TSHR: variants seen among roughly 807,000 people sequenced by gnomAD.
TSHR encodes thyroid stimulating hormone receptor.
In TSHR, 51 loss-of-function variants were observed where a neutral mutation model predicts 64.1. The observed-to-expected ratio is 0.80, with a 90% CI of 0.64 to 1.01. TSHR has a LOEUF of 1.01. Among genes scored for constraint, TSHR ranks in the 50% least tolerant of loss-of-function variants. TSHR has a pLI of 0.00. For missense variants in TSHR, 877 were observed against 942.8 expected, an observed-to-expected ratio of 0.93 and a Z score of 0.91; for synonymous variants, 361 against 361.9, an observed-to-expected ratio of 1.00 and a Z score of 0.03.
chr14:81,012,551 C>T (rs1889972248), intron 1 of TSHR: 1 of 151,440 alleles, frequency 6.6e-6, no homozygotes, highest in African/African-American at 2.4e-5. Flanking sequence ...GTTTACAGTC[C>T]CACCAACAGT....
chr14:81,023,681 A>T (rs184279393), intron 1 of TSHR, among the ~76,000 whole-genome samples: 41 of 152,292 alleles, frequency 2.7e-4, no homozygotes, highest in African/African-American at 9.1e-4. Context: ...CCAGAAAAAG[A>T]GTTCTCATTG....
At chr14:81,026,045 A>G (rs906209805) in intron 1 of TSHR, among the ~76,000 whole-genome samples, 3 of 152,170 alleles carry the variant, frequency 2.0e-5, no homozygotes, top group Admixed American at 2.0e-4. Context: ...AACCCCTCCA[A>G]TGCAGGGGAT....
At chr14:80,978,094 AACACACACAC>A (rs60697218) in intron 1 of TSHR, among the ~76,000 whole-genome samples, 30 of 146,440 alleles carry the variant, frequency 2.0e-4, no homozygotes, top group Admixed American at 5.4e-4. Flanking sequence ...ACATCCCTCC[AACACACACAC>A]ACACACACAC....
chr14:81,045,717 G>A (rs1173927698), intron 1 of TSHR, among the ~76,000 whole-genome samples: 2 of 152,096 alleles, frequency 1.3e-5, no homozygotes, highest in African/African-American at 2.4e-5. Flanking sequence ...GAAACCCACA[G>A]GGTAATTACA....
chr14:80,974,222 G>C (rs1177324544), intron 1 of TSHR, among the ~76,000 whole-genome samples: 2 of 152,152 alleles, frequency 1.3e-5, no homozygotes, highest in African/African-American at 2.4e-5. Flanking sequence ...TCCATGCAGG[G>C]ACCATCCAGC....
intron 1 of TSHR, among the ~76,000 whole-genome samples, chr14:80,960,360 C>T (rs1886952947): frequency 6.6e-6 from 1 of 152,190 alleles, no homozygotes; most frequent in Admixed American, 6.5e-5. Context: ...AAGAGAAGCC[C>T]CCTGCTTCAA....
At chr14:81,078,372 G>A (rs997679941) in intron 3 of TSHR, among the ~76,000 whole-genome samples, 1 of 152,092 alleles carries the variant, frequency 6.6e-6, no homozygotes, top group African/African-American at 2.4e-5. Context: ...TTTTTCTGAG[G>A]AGTAGTCGTA....
chr14:81,129,744 C>T (rs535573219), intron 8 of TSHR, among the ~76,000 whole-genome samples: 41 of 152,216 alleles, frequency 2.7e-4, no homozygotes, highest in Non-Finnish European at 5.4e-4. Flanking sequence ...TACCCATCTT[C>T]CTGTGTCTAT....
chr14:81,139,765 T>C lies in TSHR; in HGVS notation c.779T>C (p.Leu260Pro), dbSNP rs371935187. 5 of 1,614,118 alleles carry C rather than the reference T, an allele frequency of 3.1e-6. No homozygotes were observed. Among genetic ancestry groups the C allele is most frequent in the African/African-American group, 1.3e-5 (1 of 74,932 alleles). Residue 260 changes from leucine (L) to proline (P), a missense_variant, in exon 9 of 10, where the codon CTT (leucine) becomes CCT (proline). Leu to Pro is a moderately conservative substitution (Grantham distance 98, BLOSUM62 -3). Transcript: ENST00000298171. The part of the protein sequence containing the change: ...KELIARNTWT[L>P]KKLPLSLSFL... ...CTGATAGCAAGAAACACCTGGACTC[T>C]TAAGAAACTTCCACTTTCCTTGAGT...
chr14:81,031,916 C>A lies in TSHR; in HGVS notation c.171-30232C>A, dbSNP rs1035775120. Among the ~76,000 whole-genome samples the A allele has an allele frequency of 2.0e-5, 3 of 152,218 alleles. No homozygotes were observed. The East Asian group carries it at 5.8e-4, about 29-fold the overall frequency. On this transcript the variant is annotated intron_variant, in intron 1 of 9. Coordinates refer to ENST00000298171, the MANE Select transcript of TSHR (RefSeq NM_000369.5). Reference sequence around the variant, plus strand: ...AGGTGAAAGTCTTCCCCTCTGGAAGCTACTGTATAAAACTGGAAGAGGCAA... The same window carrying A: ...AGGTGAAAGTCTTCCCCTCTGGAAGATACTGTATAAAACTGGAAGAGGCAA...
At chr14:81,053,469 A>G (rs1354185984) in intron 1 of TSHR, 1 of 152,226 alleles carries the variant, frequency 6.6e-6, no homozygotes, top group Non-Finnish European at 1.5e-5. Flanking sequence ...TTAGCTGTGC[A>G]TTTCTCCAAA....
chr14:81,112,766 C>A (rs1356222896), intron 8 of TSHR, among the ~76,000 whole-genome samples: 1 of 152,094 alleles, frequency 6.6e-6, no homozygotes, highest in Non-Finnish European at 1.5e-5. Context: ...CTGAAAGAAA[C>A]AAAGGGACAA....
chr14:81,143,523 C>G lies in TSHR; in HGVS notation c.1465C>G (p.Gln489Glu), dbSNP rs765313051. The G allele has an allele frequency of 6.2e-7, 1 of 1,613,598 alleles. No individual in the cohort carries two copies. The highest frequency in any genetic ancestry group is 1.3e-5 in the African/African-American group (1 of 75,054). ...SEYYNHAIDW[Q>E]TGPGCNTAGF... ...GTACTACAACCATGCCATCGACTGG[C>G]AGACAGGCCCTGGGTGCAACACGGC... The change falls in exon 10 of 10, where the codon CAG (glutamine) becomes GAG (glutamate). Residue 489 changes from glutamine to glutamate, a missense_variant. Coordinates refer to ENST00000298171, the MANE Select transcript of TSHR (RefSeq NM_000369.5).
At chr14:80,982,207 C>G (rs1888207830) in intron 1 of TSHR, 2 of 589,594 alleles carry the variant, frequency 3.4e-6, no homozygotes, top group Admixed American at 5.0e-5. Flanking sequence ...AAGGAAGGAG[C>G]CCCTGTCAGA....
At chr14:81,134,539 C>G (rs1891377998) in intron 8 of TSHR, among the ~76,000 whole-genome samples, 1 of 152,080 alleles carries the variant, frequency 6.6e-6, no homozygotes, top group Non-Finnish European at 1.5e-5. Context: ...TGGCTAAACA[C>G]CAGTCTAGGT....
chr14:80,973,171 C>G (rs1887663534), intron 1 of TSHR, among the ~76,000 whole-genome samples: 1 of 151,838 alleles, frequency 6.6e-6, no homozygotes, highest in African/African-American at 2.4e-5. Context: ...TTTGGGAGGC[C>G]GAGGAGGGCG....
At chr14:81,033,371 C>G (rs1219411492) in intron 1 of TSHR, 1 of 265,052 alleles carries the variant, frequency 3.8e-6, no homozygotes, top group Non-Finnish European at 7.6e-6. Flanking sequence ...AGGGGCCATC[C>G]TGGCCACTTT....
intron 1 of TSHR, chr14:80,982,489 G>T: frequency 9.5e-7 from 1 of 1,049,144 alleles, no homozygotes; most frequent in East Asian, 2.9e-5. Flanking sequence ...GGCTGAGGAA[G>T]AGGAGGAAGA....
At chr14:80,963,685 G>C (rs941098566) in intron 1 of TSHR, among the ~76,000 whole-genome samples, 2 of 152,200 alleles carry the variant, frequency 1.3e-5, no homozygotes, top group Admixed American at 6.5e-5. Context: ...TCATCTTGAT[G>C]TCTTTGTGTC....
Sources: gnomAD v4.1 joint callset for allele counts (sites outside exome capture counted in the v4.1 genomes callset) on GRCh38, gnomAD v4.1.1 for gene constraint, MANE v1.5 for transcripts, NCBI Gene and HGNC (gene_info 2026-07-23, HGNC 2026-07-21) for gene names.